Variants in RBFOX2 observed in about 807,000 individuals in gnomAD.
The protein encoded by RBFOX2 is RNA binding fox-1 homolog 2, also known as RNA binding protein fox-1 homolog 2.
A neutral mutation model predicts 49.1 loss-of-function variants in RBFOX2; 10 were observed. The observed-to-expected ratio is 0.20, with a 90% CI of 0.13 to 0.35. The LOEUF is 0.35. RBFOX2 is among the 10% of genes least tolerant of loss of function. The pLI, the probability that RBFOX2 is intolerant of heterozygous loss-of-function variation, is 1.00. For synonymous variants in RBFOX2, 183 were observed against 187.4 expected (o/e 0.98, Z 0.19); for missense variants, 323 against 486.9 (o/e 0.66, Z 3.17).
chr22:35,860,481 TG>T (rs1412844820), intron 1 of RBFOX2, among the ~76,000 whole-genome samples: 1 of 152,216 alleles, frequency 6.6e-6, no homozygotes, highest in African/African-American at 2.4e-5. Flanking sequence ...ATTAACACTT[TG>T]TTAAGCTATT....
At chr22:35,986,954 T>C (rs1194760774) in intron 1 of RBFOX2, among the ~76,000 whole-genome samples, 1 of 150,268 alleles carries the variant, frequency 6.7e-6, no homozygotes, top group Non-Finnish European at 1.5e-5. Context: ...TGTATAAAGA[T>C]CTCTTTTTTT....
intron 1 of RBFOX2, among the ~76,000 whole-genome samples, chr22:35,983,277 A>G (rs930420586): frequency 8.5e-5 from 13 of 152,258 alleles, no homozygotes; most frequent in African/African-American, 2.9e-4. Flanking sequence ...TTTAGCTCTA[A>G]TCCACCAGCT....
intron 1 of RBFOX2, chr22:35,836,214 G>A (rs1178351171): frequency 6.6e-6 from 1 of 152,152 alleles, no homozygotes; most frequent in African/African-American, 2.4e-5. Context: ...CAAAGAAAAT[G>A]GGATATGCTT....
intron 1 of RBFOX2, among the ~76,000 whole-genome samples, chr22:35,891,190 G>A (rs2047194392): frequency 6.6e-6 from 1 of 151,980 alleles, no homozygotes. Context: ...CTGGAAAGCA[G>A]TGGCGTGATC....
intron 1 of RBFOX2, among the ~76,000 whole-genome samples, chr22:35,883,840 G>T (rs1040320779): frequency 1.3e-5 from 2 of 151,862 alleles, no homozygotes; most frequent in African/African-American, 4.8e-5. Flanking sequence ...AAGACCTCGT[G>T]ACAATCGCCT....
At chr22:35,782,412 C>A (rs757952375) in intron 2 of RBFOX2, among the ~76,000 whole-genome samples, 52 of 152,150 alleles carry the variant, frequency 3.4e-4, no homozygotes, top group Non-Finnish European at 8.8e-5. Context: ...AGCTCCACTT[C>A]CCGGGTTCAC....
chr22:35,928,000 G>T (rs1255795979), intron 1 of RBFOX2, among the ~76,000 whole-genome samples: 1 of 152,030 alleles, frequency 6.6e-6, no homozygotes, highest in Non-Finnish European at 1.5e-5. Context: ...CTTCCTTATG[G>T]CCTCTTTTCC....
At chr22:35,974,459 C>T (rs570165315) in intron 1 of RBFOX2, among the ~76,000 whole-genome samples, 3 of 152,234 alleles carry the variant, frequency 2.0e-5, no homozygotes, top group East Asian at 3.9e-4. Flanking sequence ...GAGGCCGAGG[C>T]GGGCAGATCA....
At chr22:35,960,270 A>T (rs554830807) in intron 1 of RBFOX2, among the ~76,000 whole-genome samples, 2 of 152,234 alleles carry the variant, frequency 1.3e-5, no homozygotes, top group South Asian at 4.1e-4. Flanking sequence ...CTCAAACCAC[A>T]CTGTGAGGTT....
chr22:35,938,481 A>T (rs568555457), intron 1 of RBFOX2, among the ~76,000 whole-genome samples: 1 of 152,266 alleles, frequency 6.6e-6, no homozygotes, highest in Non-Finnish European at 1.5e-5. Context: ...AAGGACTCAA[A>T]AACTCTGTGC....
chr22:35,917,651 G>A (rs2050578921), intron 1 of RBFOX2, among the ~76,000 whole-genome samples: 1 of 152,148 alleles, frequency 6.6e-6, no homozygotes, highest in South Asian at 2.1e-4. Context: ...GATACTCACT[G>A]GACACAGTGC....
rs969689546 is a variant in RBFOX2, at chr22:35,808,163, T to C, written c.252+1617A>G. ...TGAAACAGTTATTCTGATAGGTCTG[T>C]GAGTTCATGATCATTAAAAAGTTAT... is the stretch of plus-strand genomic sequence containing the variant. On this transcript the variant is annotated intron_variant, in intron 2 of 11. Coordinates refer to ENST00000405409, the Ensembl canonical transcript of RBFOX2. Among the ~76,000 whole-genome samples the C allele has an allele frequency of 3.9e-5, 6 of 152,216 alleles. No homozygotes were observed. In the East Asian group the frequency reaches 9.6e-4, roughly 24 times the overall value.
At chr22:35,878,077 C>T (rs1017091426) in intron 1 of RBFOX2, among the ~76,000 whole-genome samples, 3 of 148,310 alleles carry the variant, frequency 2.0e-5, no homozygotes, top group African/African-American at 7.7e-5. Flanking sequence ...CACACACACA[C>T]ACGGAGTTTG....
At chr22:35,786,440 C>T (rs1229365120) in intron 2 of RBFOX2, among the ~76,000 whole-genome samples, 1 of 152,142 alleles carries the variant, frequency 6.6e-6, no homozygotes, top group African/African-American at 2.4e-5. Flanking sequence ...GATAAAAATA[C>T]ATAAATTATA....
intron 1 of RBFOX2, among the ~76,000 whole-genome samples, chr22:35,862,575 C>T (rs2043220008): frequency 1.3e-5 from 2 of 152,106 alleles, no homozygotes; most frequent in African/African-American, 4.8e-5. Flanking sequence ...TCTGTCTCTC[C>T]CACTTCAGGA....
chr22:36,000,138 T>G (rs932408235), intron 1 of RBFOX2: 4 of 151,542 alleles, frequency 2.6e-5, no homozygotes, highest in Admixed American at 6.6e-5. Flanking sequence ...ATAGCTAGGA[T>G]TACGGACACC....
At chr22:35,863,756 C>T (rs531261244) in intron 1 of RBFOX2, among the ~76,000 whole-genome samples, 2 of 152,294 alleles carry the variant, frequency 1.3e-5, no homozygotes, top group South Asian at 4.1e-4. Context: ...AGCCAGCTGT[C>T]GTTTACCCTG....
intron 1 of RBFOX2, among the ~76,000 whole-genome samples, chr22:36,013,648 C>CACACACAG (rs1260073505): frequency 6.8e-6 from 1 of 147,974 alleles, no homozygotes; most frequent in African/African-American, 2.5e-5. Flanking sequence ...CACACACACA[C>CACACACAG]AGAGAGAGAG....
At chr22:35,771,820 C>T (rs928509910) in intron 4 of RBFOX2, among the ~76,000 whole-genome samples, 1 of 151,916 alleles carries the variant, frequency 6.6e-6, no homozygotes, top group South Asian at 2.1e-4. Context: ...GAAAAGGTGC[C>T]AGAAACAGTG....
Sources: gnomAD v4.1 joint callset for allele counts (sites outside exome capture counted in the v4.1 genomes callset) on GRCh38, gnomAD v4.1.1 for gene constraint, MANE v1.5 for transcripts, NCBI Gene and HGNC (gene_info 2026-07-23, HGNC 2026-07-21) for gene names.